KIF13B: variants seen among roughly 807,000 people sequenced by gnomAD.
The protein encoded by KIF13B is kinesin family member 13B, also known as kinesin-like protein KIF13B.
In KIF13B, 127 loss-of-function variants were observed where a neutral mutation model predicts 222.0. That is an observed-to-expected ratio of 0.57 (90% CI 0.50 to 0.66). The LOEUF is 0.66. Among genes scored for constraint, KIF13B ranks in the 30% least tolerant of loss-of-function variants. The pLI is 0.00. For missense variants in KIF13B, 2,173 were observed against 2,379.0 expected, an observed-to-expected ratio of 0.91 and a Z score of 1.80; for synonymous variants, 976 against 919.0, an observed-to-expected ratio of 1.06 and a Z score of -1.12.
intron 2 of KIF13B, among the ~76,000 whole-genome samples, chr8:29,199,120 A>G (rs1813572293): frequency 6.7e-6 from 1 of 148,214 alleles, no homozygotes; most frequent in African/African-American, 2.6e-5. Flanking sequence ...GAAAATTAAA[A>G]AAAAAAGACT....
In KIF13B at chr8:29,160,886, A is replaced by G. The variant is rs932248707; in HGVS notation, c.1270-19T>C. The G allele has an allele frequency of 1.2e-6, 2 of 1,609,604 alleles. No individual in the cohort carries two copies. Among genetic ancestry groups the G allele is most frequent in the Non-Finnish European group, 8.5e-7 (1 of 1,177,140 alleles). On this transcript the variant is annotated intron_variant, in intron 12 of 39. Coordinates refer to ENST00000524189, the MANE Select transcript of KIF13B (RefSeq NM_015254.4). ...GTCGTTCCTGTAAATGTTATCAGAGAAGTATTAATTTCACAGCTATTGAGG... is the reference window on the plus strand; with the variant it reads ...GTCGTTCCTGTAAATGTTATCAGAGGAGTATTAATTTCACAGCTATTGAGG...
intron 36 of KIF13B, among the ~76,000 whole-genome samples, chr8:29,096,715 A>C (rs1481200399): frequency 6.6e-6 from 1 of 152,138 alleles, no homozygotes; most frequent in Non-Finnish European, 1.5e-5. Context: ...ACACTGTTGC[A>C]TGGTTCCTGT....
intron 24 of KIF13B, among the ~76,000 whole-genome samples, 161 bp from the exon 25 acceptor site, chr8:29,127,429 G>A (rs1003417577): frequency 3.3e-5 from 5 of 151,906 alleles, no homozygotes; most frequent in Admixed American, 6.6e-5. Flanking sequence ...AAAACTAATC[G>A]GGAAAAATCA....
At chr8:29,097,558 T>G (rs1347122765) in intron 36 of KIF13B, among the ~76,000 whole-genome samples, 1 of 151,812 alleles carries the variant, frequency 6.6e-6, no homozygotes, top group African/African-American at 2.4e-5. Context: ...TTAACCAAGA[T>G]AGAACACAAT....
At chr8:29,111,015 C>A (rs1446956679) in intron 32 of KIF13B, among the ~76,000 whole-genome samples, 1 of 152,208 alleles carries the variant, frequency 6.6e-6, no homozygotes, top group Non-Finnish European at 1.5e-5. Context: ...ACACATTCTA[C>A]TTCAAAGATA....
At chr8:29,133,824 A>G (rs1006330096) in intron 22 of KIF13B, among the ~76,000 whole-genome samples, 3 of 152,242 alleles carry the variant, frequency 2.0e-5, no homozygotes, top group Admixed American at 6.5e-5. Flanking sequence ...GAATATGCAT[A>G]TATACATACA....
chr8:29,181,444 A>C (rs1044982724), intron 7 of KIF13B, among the ~76,000 whole-genome samples: 1 of 152,168 alleles, frequency 6.6e-6, no homozygotes, highest in African/African-American at 2.4e-5. Context: ...GTTTCAAATA[A>C]CTCTGATACA....
intron 2 of KIF13B, 78 bp downstream of exon 2, chr8:29,245,268 A>G: frequency 3.1e-6 from 3 of 956,692 alleles, no homozygotes; most frequent in Non-Finnish European, 3.3e-6. Flanking sequence ...TATCTATTCA[A>G]TGCAACTTAA....
intron 14 of KIF13B, among the ~76,000 whole-genome samples, chr8:29,152,583 G>T (rs577659627): frequency 2.0e-5 from 3 of 150,576 alleles, no homozygotes; most frequent in Admixed American, 2.0e-4. Context: ...GAAGGCTCCA[G>T]TGATTTTTTA....
chr8:29,239,870 C>A (rs1020776496), intron 2 of KIF13B, among the ~76,000 whole-genome samples: 2 of 151,962 alleles, frequency 1.3e-5, no homozygotes, highest in African/African-American at 2.4e-5. Context: ...ACCATGTGGG[C>A]CAGGCTGGTT....
intron 2 of KIF13B, among the ~76,000 whole-genome samples, chr8:29,197,355 A>T (rs1042458820): frequency 6.7e-6 from 1 of 149,944 alleles, no homozygotes; most frequent in East Asian, 1.9e-4. Context: ...AAAAAAAAAA[A>T]AAAAAACTCA....
At position 29,110,066 on chromosome 8, in the gene KIF13B, G is replaced by A. The variant is rs1254164152; in HGVS notation, c.3935C>T (p.Ala1312Val). 13 of 1,556,248 alleles carry A rather than the reference G, an allele frequency of 8.4e-6. No homozygotes were observed. The highest frequency in any genetic ancestry group is 1.1e-5 in the Non-Finnish European group (13 of 1,149,422). Residue 1312 changes from alanine to valine, a missense_variant, in exon 33 of 40, where the codon GCC (alanine) becomes GTC (valine). Physicochemically the swap from Ala to Val is moderately conservative, Grantham distance 64 (BLOSUM62 0). Transcript: ENST00000524189. ...TGCTTCCCGTTCTTCCACTCCCTGG[G>A]CATCCTGAGCAGTGGAAAGTTATAC... Reference protein sequence around the residue: ...FEIVSNIPEDAQGVEEREALA... With the variant: ...FEIVSNIPEDVQGVEEREALA...
At chr8:29,078,532 C>T (rs1807671659) in intron 37 of KIF13B, among the ~76,000 whole-genome samples, 2 of 152,192 alleles carry the variant, frequency 1.3e-5, no homozygotes, top group South Asian at 4.1e-4. Context: ...TGCTCTTCTA[C>T]ATCTCCCCTG....
At chr8:29,220,736 G>A (rs774874019) in intron 2 of KIF13B, among the ~76,000 whole-genome samples, 9 of 152,124 alleles carry the variant, frequency 5.9e-5, no homozygotes, top group South Asian at 2.1e-4. Flanking sequence ...GTAAAAGAGC[G>A]CAGGAAGGAG....
At chr8:29,146,871 T>A (rs1811082779) in intron 17 of KIF13B, among the ~76,000 whole-genome samples, 1 of 152,130 alleles carries the variant, frequency 6.6e-6, no homozygotes, top group African/African-American at 2.4e-5. Context: ...TTTCTATCAA[T>A]CTCCAGGTAA....
At chr8:29,147,212 T>G (rs371250489) in intron 17 of KIF13B, among the ~76,000 whole-genome samples, 180 bp downstream of exon 17, 1 of 152,336 alleles carries the variant, frequency 6.6e-6, no homozygotes, top group East Asian at 1.9e-4. Context: ...TAATGCAATA[T>G]AAATGGGCAA....
chr8:29,211,157 G>A (rs986018475), intron 2 of KIF13B, among the ~76,000 whole-genome samples: 11 of 152,236 alleles, frequency 7.2e-5, no homozygotes, highest in Admixed American at 4.6e-4. Flanking sequence ...TCGTCTGCAC[G>A]AAAGCACCAT....
At chr8:29,234,193 G>C (rs950856779) in intron 2 of KIF13B, among the ~76,000 whole-genome samples, 33 of 152,208 alleles carry the variant, frequency 2.2e-4, no homozygotes, top group East Asian at 1.9e-4. Flanking sequence ...TGAAAGCAGG[G>C]TCTTGAAGAG....
chr8:29,152,919 T>G (rs1170219756), intron 14 of KIF13B, among the ~76,000 whole-genome samples: 4 of 152,196 alleles, frequency 2.6e-5, no homozygotes, highest in African/African-American at 9.7e-5. Context: ...TAAGATATAA[T>G]GTTATTGCAC....
Sources: allele counts gnomAD v4.1 joint callset (sites outside exome capture counted in the v4.1 genomes callset), GRCh38; gene constraint gnomAD v4.1.1; transcripts MANE v1.5; gene names NCBI Gene and HGNC (gene_info 2026-07-23, HGNC 2026-07-21).